The following ADGRL3 variants were observed in gnomAD, a reference collection of about 807,000 sequenced individuals.
The protein encoded by ADGRL3 is adhesion G protein-coupled receptor L3, also known as calcium-independent alpha-latrotoxin receptor 3.
In ADGRL3, 62 loss-of-function variants were observed where a neutral mutation model predicts 153.5. The ratio of observed to expected loss-of-function variants is 0.40; its 90% CI spans 0.33 to 0.50. The LOEUF is 0.50. Ranked by LOEUF, ADGRL3 falls within the 20% of genes least tolerant of loss-of-function variation. The pLI, the probability that ADGRL3 is intolerant of heterozygous loss-of-function variation, is 0.47. For missense variants in ADGRL3, 1,641 were observed against 1,859.4 expected (o/e 0.88, Z 2.16); for synonymous variants, 710 against 672.5 (o/e 1.06, Z -0.86).
chr4:61,892,958 G>A lies in ADGRL3; in HGVS notation c.1783G>A (p.Gly595Ser), dbSNP rs762642503. 1 of 1,512,500 alleles carries A rather than the reference G, an allele frequency of 6.6e-7. No homozygotes were observed. The highest frequency in any genetic ancestry group is 8.8e-7 in the Non-Finnish European group (1 of 1,133,432). The allele number at this position is 1,512,500 out of a possible 1,614,324, so 93.7% of individuals were successfully genotyped here. The change falls in exon 10 of 27, where the codon GGT becomes AGT. Residue 595 changes from glycine to serine, a missense_variant and splice_region_variant. Transcript: ENST00000683033. ...AKQPCPAGTIGVSTYLCLAPD... is the reference protein window; with the variant it reads ...AKQPCPAGTISVSTYLCLAPD... ...GCAGCCATGCCCTGCAGGAACTATAGGTAAGTCTGTGCTAAAGCACTAAGT... is the reference window on the plus strand; with the variant it reads ...GCAGCCATGCCCTGCAGGAACTATAAGTAAGTCTGTGCTAAAGCACTAAGT...
intron 9 of ADGRL3, among the ~76,000 whole-genome samples, chr4:61,878,886 C>T (rs1426604239): frequency 1.3e-5 from 2 of 152,158 alleles, no homozygotes; most frequent in African/African-American, 4.8e-5. Flanking sequence ...TCCATTATCA[C>T]TCATTGACTC....
chr4:61,283,667 A>G (rs1047271789), intron 1 of ADGRL3, among the ~76,000 whole-genome samples: 1 of 151,956 alleles, frequency 6.6e-6, no homozygotes, highest in Non-Finnish European at 1.5e-5. Context: ...ACTTTATTCA[A>G]GTTCAAGGAT....
At chr4:61,760,744 T>G (rs1377259401) in intron 8 of ADGRL3, among the ~76,000 whole-genome samples, 3 of 152,160 alleles carry the variant, frequency 2.0e-5, no homozygotes, top group Non-Finnish European at 2.9e-5. Flanking sequence ...ATCTTCTGGG[T>G]CGCTCATGCT....
intron 1 of ADGRL3, among the ~76,000 whole-genome samples, chr4:61,352,028 A>G (rs2096061737): frequency 6.6e-6 from 1 of 152,182 alleles, no homozygotes; most frequent in Non-Finnish European, 1.5e-5. Flanking sequence ...ACCTTCTAGA[A>G]AGGATTTACC....
intron 8 of ADGRL3, among the ~76,000 whole-genome samples, chr4:61,765,891 A>G (rs1365638649): frequency 6.6e-6 from 1 of 152,132 alleles, no homozygotes; most frequent in African/African-American, 2.4e-5. Context: ...ACTGAGCAGA[A>G]TAGCAGATGG....
In ADGRL3 at chr4:61,496,629, C is replaced by T. The variant is rs115466164; in HGVS notation, c.-173-492C>T. 7.3e-3 allele frequency among the ~76,000 whole-genome samples: 1,043 copies of T among 142,252 alleles called. 14 individuals carry two copies. Among genetic ancestry groups the T allele is most frequent in the African/African-American group, 0.025 (967 of 38,108 alleles). The allele number at this position is 142,252 out of a possible 152,430, so 93.3% of individuals were successfully genotyped here. A position where few individuals can be genotyped will look rare whatever the true frequency, so the allele number is the denominator to read the frequency against. On this transcript the variant is annotated intron_variant, in intron 2 of 26. Transcript: ENST00000683033. ...TGCACTCCAGCCTGGGCAAAAACAG[C>T]GAAATTCCATTTCAAAAAAAAGAAA...
intron 12 of ADGRL3, among the ~76,000 whole-genome samples, chr4:61,912,250 A>C (rs1332684216): frequency 6.6e-6 from 1 of 152,156 alleles, no homozygotes; most frequent in Non-Finnish European, 1.5e-5. Flanking sequence ...GTATATATGA[A>C]GAACATATGA....
chr4:61,969,997 G>A (rs2099021116), intron 17 of ADGRL3, among the ~76,000 whole-genome samples: 1 of 152,040 alleles, frequency 6.6e-6, no homozygotes, highest in African/African-American at 2.4e-5. Context: ...AAAATTTACT[G>A]CTAAAACTAA....
At chr4:61,446,459 G>T (rs960039142) in intron 2 of ADGRL3, among the ~76,000 whole-genome samples, 1 of 152,144 alleles carries the variant, frequency 6.6e-6, no homozygotes, top group Non-Finnish European at 1.5e-5. Flanking sequence ...AGAATGTATG[G>T]TTCCAAGCTC....
Position 61,765,811 on chromosome 4 carries a change from C to T in ADGRL3, c.1399+32257C>T, listed in dbSNP as rs1484583459. Among the ~76,000 whole-genome samples, 43 of 151,982 alleles carry T rather than the reference C, an allele frequency of 2.8e-4. 1 individual carries two copies. Among genetic ancestry groups the T allele is most frequent in the Non-Finnish European group, 4.4e-5 (3 of 68,012 alleles). ...GCCAGTCCTGGGTGGGGCAAATCCT[C>T]GAGCTTGATGTGTAGGGAAGGGAGG... is the stretch of plus-strand genomic sequence containing the variant. On this transcript the variant is annotated intron_variant, in intron 8 of 26. Coordinates refer to ENST00000683033, the MANE Select transcript of ADGRL3 (RefSeq NM_001387552.1).
chr4:61,434,299 A>G (rs182349231), intron 2 of ADGRL3, among the ~76,000 whole-genome samples: 1 of 152,224 alleles, frequency 6.6e-6, no homozygotes, highest in African/African-American at 2.4e-5. Flanking sequence ...CAAATTCTGT[A>G]TTAATTGACA....
At chr4:61,280,657 G>C (rs971740019) in intron 1 of ADGRL3, among the ~76,000 whole-genome samples, 16 of 152,036 alleles carry the variant, frequency 1.1e-4, no homozygotes, top group African/African-American at 3.9e-4. Context: ...TAAATTACAA[G>C]ATTGTTATTA....
intron 2 of ADGRL3, among the ~76,000 whole-genome samples, chr4:61,432,008 A>G (rs1055668285): frequency 6.6e-6 from 1 of 152,174 alleles, no homozygotes; most frequent in African/African-American, 2.4e-5. Flanking sequence ...TAGTATTTAT[A>G]TTAACAAAAT....
At chr4:61,563,762 C>A (rs534046808) in intron 4 of ADGRL3, among the ~76,000 whole-genome samples, 1 of 152,268 alleles carries the variant, frequency 6.6e-6, no homozygotes, top group African/African-American at 2.4e-5. Flanking sequence ...GTAATCCCAG[C>A]ACTTTGGGAG....
chr4:61,614,636 A>T, intron 5 of ADGRL3, among the ~76,000 whole-genome samples: 1 of 152,182 alleles, frequency 6.6e-6, no homozygotes, highest in East Asian at 1.9e-4. Context: ...AAGGAAGGAC[A>T]TATTGTATGT....
rs555285897 is a variant in ADGRL3, at chr4:62,015,174, A to G, written c.3396-13681A>G. On this transcript the variant is annotated intron_variant, in intron 21 of 26. Transcript: ENST00000683033. ...TCCTAATCTAATTTTCTCTTGGCTG[A>G]GAACCAATTGTTGCTGGTTTTCTCC... 1.5e-3 allele frequency among the ~76,000 whole-genome samples: 230 copies of G among 152,292 alleles called. 1 individual carries two copies. The highest frequency in any genetic ancestry group is 5.4e-3 in the African/African-American group (225 of 41,570).
intron 1 of ADGRL3, among the ~76,000 whole-genome samples, chr4:61,237,906 C>A: frequency 6.6e-6 from 1 of 152,084 alleles, no homozygotes; most frequent in East Asian, 1.9e-4. Context: ...TGCCGGGTAA[C>A]TTTTGTAACA....
chr4:61,612,640 C>T (rs998883448), intron 5 of ADGRL3, among the ~76,000 whole-genome samples: 3 of 152,064 alleles, frequency 2.0e-5, no homozygotes, highest in Non-Finnish European at 4.4e-5. Context: ...ACCTAAAATG[C>T]AAAAATCACT....
At chr4:61,272,300 A>C (rs1476244709) in intron 1 of ADGRL3, among the ~76,000 whole-genome samples, 1 of 152,068 alleles carries the variant, frequency 6.6e-6, no homozygotes, top group Non-Finnish European at 1.5e-5. Context: ...CATGACAAAA[A>C]AATCAGTATA....
Sources: gnomAD v4.1 joint callset for allele counts (sites outside exome capture counted in the v4.1 genomes callset) on GRCh38, gnomAD v4.1.1 for gene constraint, MANE v1.5 for transcripts, NCBI Gene and HGNC (gene_info 2026-07-23, HGNC 2026-07-21) for gene names.